HSD17B12: variants seen among roughly 807,000 people sequenced by gnomAD.
The protein encoded by HSD17B12 is hydroxysteroid 17-beta dehydrogenase 12.
In HSD17B12, 32 loss-of-function variants were observed where a neutral mutation model predicts 39.3. That is an observed-to-expected ratio of 0.81 (90% CI 0.61 to 1.09). The LOEUF (loss-of-function observed/expected upper bound fraction) is 1.09. HSD17B12 is among the 50% of genes least tolerant of loss of function. The probability of loss-of-function intolerance (pLI) is 0.00; values close to 1 mark genes in which losing one functional copy is unlikely to be tolerated. For missense variants in HSD17B12, 342 were observed against 382.9 expected, an observed-to-expected ratio of 0.89 and a Z score of 0.89; for synonymous variants, 150 against 146.7, an observed-to-expected ratio of 1.02 and a Z score of -0.16.
chr11:43,790,982 G>A (rs971901701), intron 3 of HSD17B12, among the ~76,000 whole-genome samples: 9 of 151,930 alleles, frequency 5.9e-5, no homozygotes, highest in Admixed American at 1.3e-4. Context: ...CAACAAAAGC[G>A]GAACTCCATC....
At chr11:43,793,653 TG>T (rs1428838954) in intron 3 of HSD17B12, among the ~76,000 whole-genome samples, 1 of 152,188 alleles carries the variant, frequency 6.6e-6, no homozygotes, top group Non-Finnish European at 1.5e-5. Flanking sequence ...TACCTAAAAA[TG>T]TGTGAGTTTT....
intron 1 of HSD17B12, among the ~76,000 whole-genome samples, chr11:43,692,161 T>C (rs1212549246): frequency 6.6e-6 from 1 of 152,272 alleles, no homozygotes; most frequent in Non-Finnish European, 1.5e-5. Flanking sequence ...TAATATTTCA[T>C]GAGTGAATAC....
intron 6 of HSD17B12, among the ~76,000 whole-genome samples, chr11:43,828,682 A>G (rs1322620426): frequency 6.6e-6 from 1 of 152,208 alleles, no homozygotes; most frequent in Non-Finnish European, 1.5e-5. Flanking sequence ...AGTTAACTCC[A>G]GAAACAGCCT....
At chr11:43,722,925 A>G (rs1950188489) in intron 1 of HSD17B12, among the ~76,000 whole-genome samples, 1 of 152,170 alleles carries the variant, frequency 6.6e-6, no homozygotes, top group South Asian at 2.1e-4. Context: ...TAGTGATGTG[A>G]TGTCATTTAC....
At chr11:43,700,521 TCTA>T (rs1949954428) in intron 1 of HSD17B12, among the ~76,000 whole-genome samples, 1 of 152,106 alleles carries the variant, frequency 6.6e-6, no homozygotes, top group South Asian at 2.1e-4. Context: ...TAACCATCCT[TCTA>T]CTGTCTGTCC....
intron 3 of HSD17B12, among the ~76,000 whole-genome samples, chr11:43,756,699 A>G (rs1245404742): frequency 6.6e-6 from 1 of 152,224 alleles, no homozygotes; most frequent in Non-Finnish European, 1.5e-5. Flanking sequence ...TCTACCGTCT[A>G]CTCGATACAG....
chr11:43,619,922 A>G, the HSD17B12 span, among the ~76,000 whole-genome samples: 20 of 152,194 alleles, frequency 1.3e-4, no homozygotes, highest in Admixed American at 1.3e-3. Context: ...CTGTACTAGG[A>G]CAAGGCCCAG....
At chr11:43,621,155 A>C in the HSD17B12 span, among the ~76,000 whole-genome samples, 2 of 152,212 alleles carry the variant, frequency 1.3e-5, no homozygotes, top group Admixed American at 6.5e-5. Flanking sequence ...TCTCTTGTGC[A>C]AATACGCCTC....
At chr11:43,722,683 C>T (rs187506555) in intron 1 of HSD17B12, among the ~76,000 whole-genome samples, 1 of 152,178 alleles carries the variant, frequency 6.6e-6, no homozygotes, top group Non-Finnish European at 1.5e-5. Flanking sequence ...CCCATCTCTA[C>T]TAAAAATACA....
chr11:43,846,470 C>T (rs530440657), intron 9 of HSD17B12, among the ~76,000 whole-genome samples: 18 of 152,310 alleles, frequency 1.2e-4, no homozygotes, highest in Admixed American at 7.2e-4. Flanking sequence ...TCAAGGCCAG[C>T]CTGGCCAACA....
At chr11:43,684,730 C>T (rs1949782096) in intron 1 of HSD17B12, among the ~76,000 whole-genome samples, 2 of 152,182 alleles carry the variant, frequency 1.3e-5, no homozygotes, top group South Asian at 2.1e-4. Context: ...ACAATTTGCC[C>T]ATTTAAAGTG....
chr11:43,623,685 C>T, the HSD17B12 span, among the ~76,000 whole-genome samples: 1 of 151,280 alleles, frequency 6.6e-6, no homozygotes, highest in African/African-American at 2.4e-5. Context: ...CATAAAAACC[C>T]GAGGGAAAAA....
chr11:43,575,906 A>C, the HSD17B12 span, among the ~76,000 whole-genome samples: 168 of 152,238 alleles, frequency 1.1e-3, no homozygotes, highest in Non-Finnish European at 1.4e-3. This position sits in a 1 kb window ranked among gnomAD's most constrained non-coding sequence, Gnocchi z 4.1. Context: ...GGTGTGTTGC[A>C]AACACAACGC....
intron 1 of HSD17B12, among the ~76,000 whole-genome samples, chr11:43,732,040 A>T (rs1401004942): frequency 1.3e-5 from 2 of 152,236 alleles, no homozygotes; most frequent in South Asian, 2.1e-4. Context: ...TGTAGTTCCC[A>T]TAATCTCCTT....
chr11:43,780,205 G>A (rs1238958982), intron 3 of HSD17B12, among the ~76,000 whole-genome samples: 4 of 151,668 alleles, frequency 2.6e-5, no homozygotes, highest in South Asian at 2.1e-4. Flanking sequence ...CACTCTTGTC[G>A]CCCAGGCTAG....
At chr11:43,583,437 G>A in the HSD17B12 span, among the ~76,000 whole-genome samples, 1 of 152,214 alleles carries the variant, frequency 6.6e-6, no homozygotes. Context: ...TGCACGCCTG[G>A]GGCTGAGGCT....
At chr11:43,687,110 G>A (rs1380532991) in intron 1 of HSD17B12, among the ~76,000 whole-genome samples, 1 of 152,190 alleles carries the variant, frequency 6.6e-6, no homozygotes, top group Non-Finnish European at 1.5e-5. Flanking sequence ...GCCATTAAAA[G>A]CTATTTGTAG....
chr11:43,574,454 G>A, the HSD17B12 span, among the ~76,000 whole-genome samples: 6 of 152,302 alleles, frequency 3.9e-5, no homozygotes, highest in Non-Finnish European at 7.3e-5. Flanking sequence ...TTATCCAAGT[G>A]GATCTAGGAT....
chr11:43,643,488 G>A, the HSD17B12 span, among the ~76,000 whole-genome samples: 1 of 152,080 alleles, frequency 6.6e-6, no homozygotes, highest in African/African-American at 2.4e-5. Flanking sequence ...TTTACTTGTT[G>A]CTTGTTGGCA....
Sources: allele counts gnomAD v4.1 joint callset (sites outside exome capture counted in the v4.1 genomes callset), GRCh38; gene constraint gnomAD v4.1.1; non-coding constraint Gnocchi (gnomAD v3.1); transcripts MANE v1.5; gene names NCBI Gene and HGNC (gene_info 2026-07-23, HGNC 2026-07-21).